The following CSMD3 variants were observed in gnomAD, a reference collection of about 807,000 sequenced individuals.
CSMD3 encodes the protein CUB and Sushi multiple domains 3, also known as CUB and sushi domain-containing protein 3.
CSMD3 carries 177 observed loss-of-function variants against 435.2 expected under a neutral mutation model. The observed-to-expected ratio is 0.41, with a 90% CI of 0.36 to 0.46. The LOEUF is 0.46. CSMD3 is among the 20% of genes least tolerant of loss of function. The pLI is 0.34. For missense variants in CSMD3, 4,265 were observed against 4,504.6 expected, an observed-to-expected ratio of 0.95 and a Z score of 1.52; for synonymous variants, 1,656 against 1,520.5, an observed-to-expected ratio of 1.09 and a Z score of -2.07.
At chr8:113,127,943 C>T (rs2131666743) in intron 4 of CSMD3, among the ~76,000 whole-genome samples, 1 of 152,156 alleles carries the variant, frequency 6.6e-6, no homozygotes, top group Admixed American at 6.6e-5. Context: ...AAGTCATTGC[C>T]TGTGACTTTT....
chr8:112,461,005 T>G (rs1422567041), intron 32 of CSMD3, among the ~76,000 whole-genome samples: 1 of 152,142 alleles, frequency 6.6e-6, no homozygotes, highest in Non-Finnish European at 1.5e-5. Flanking sequence ...GAAATATAAT[T>G]TATTGAGTTT....
chr8:113,127,087 A>T (rs2091154725), intron 4 of CSMD3, among the ~76,000 whole-genome samples: 1 of 152,026 alleles, frequency 6.6e-6, no homozygotes, highest in Admixed American at 6.6e-5. Context: ...ATATAAATTT[A>T]TATATTATAC....
At chr8:112,453,843 C>T (rs1816546810) in intron 32 of CSMD3, among the ~76,000 whole-genome samples, 1 of 152,130 alleles carries the variant, frequency 6.6e-6, no homozygotes, top group South Asian at 2.1e-4. Flanking sequence ...AGAGTCATCA[C>T]ATTACCCGAC....
chr8:112,241,841 T>TGCGC, intron 65 of CSMD3, 56 bp from the exon 66 acceptor site: 2 of 798,962 alleles, frequency 2.5e-6, no homozygotes, highest in Admixed American at 3.6e-5. Context: ...TACATACACA[T>TGCGC]GCGCACACAC....
rs139940343 is a variant in CSMD3 at position 112,902,436 on chromosome 8, T to TA, written c.1633+19190dup. ...CCAAGGGCATCTCAGCTTTACGTTT[T>TA]AAAAAATGGCAGCTTTTCCTTTGAG... On this transcript the variant is annotated intron_variant, in intron 10 of 70. Transcript: ENST00000297405. Among the ~76,000 whole-genome samples the TA allele has an allele frequency of 5.3e-3, 797 of 151,352 alleles. 11 individuals carry two copies. The highest frequency in any genetic ancestry group is 0.05 in the East Asian group (255 of 5,080).
rs1224683783 is a variant in CSMD3, at chr8:112,817,417, G to T, written c.1859+12269C>A. 2.0e-5 allele frequency among the ~76,000 whole-genome samples: 3 copies of T among 148,514 alleles called. No individual in the cohort carries two copies. In the East Asian group the frequency reaches 6.0e-4, roughly 30 times the overall value. On this transcript the variant is annotated intron_variant, in intron 12 of 70. Coordinates refer to ENST00000297405, the MANE Select transcript of CSMD3 (RefSeq NM_198123.2). The stretch of plus-strand genomic sequence containing the variant: ...CACTATCAGATGAATTTATACGTAA[G>T]TGTAAAAATAGCACATGGGAAAGAA...
chr8:112,886,426 A>C lies in CSMD3; in HGVS notation c.1634-27160T>G, dbSNP rs1218494073. Among the ~76,000 whole-genome samples, 3 of 151,438 alleles carry C rather than the reference A, an allele frequency of 2.0e-5. No homozygotes were observed. The East Asian group carries it at 5.9e-4, about 30-fold the overall frequency. On this transcript the variant is annotated intron_variant, in intron 10 of 70. Transcript: ENST00000297405. ...AGAAGGCTAGATCAGTTGTTTGCTCAAAATATGTTCCTGTTATCTTGTGTC... is the reference window on the plus strand; with the variant it reads ...AGAAGGCTAGATCAGTTGTTTGCTCCAAATATGTTCCTGTTATCTTGTGTC...
At chr8:112,657,376 A>G (rs1042839143) in intron 17 of CSMD3, among the ~76,000 whole-genome samples, 15 of 152,066 alleles carry the variant, frequency 9.9e-5, no homozygotes, top group Non-Finnish European at 1.2e-4. Flanking sequence ...TTCAAAACTT[A>G]AATAGTATTA....
chr8:112,489,428 A>C (rs1484025418), intron 31 of CSMD3, among the ~76,000 whole-genome samples: 3 of 152,194 alleles, frequency 2.0e-5, no homozygotes, highest in Admixed American at 6.5e-5. Context: ...CTGTCTGAAA[A>C]AATAAAAAAG....
intron 27 of CSMD3, among the ~76,000 whole-genome samples, chr8:112,531,518 G>T (rs1353016739): frequency 6.6e-6 from 1 of 152,080 alleles, no homozygotes. Flanking sequence ...AGAGACTCCT[G>T]TTTGAGGTAA....
rs78431485 is a variant in CSMD3, at chr8:113,265,659, T to C, written c.514+12933A>G. Reference sequence around the variant, plus strand: ...ATATCTAGCCGAATCTGAATATTCATTGTAAGTTTCTTTATTTTGAAGATT... The same window carrying C: ...ATATCTAGCCGAATCTGAATATTCACTGTAAGTTTCTTTATTTTGAAGATT... On this transcript the variant is annotated intron_variant, in intron 3 of 70. Coordinates refer to ENST00000297405, the MANE Select transcript of CSMD3 (RefSeq NM_198123.2). 3.0e-3 allele frequency among the ~76,000 whole-genome samples: 456 copies of C among 151,772 alleles called. 4 individuals are homozygous for C. In the East Asian group the frequency reaches 0.031, roughly 10 times the overall value.
intron 22 of CSMD3, among the ~76,000 whole-genome samples, chr8:112,590,836 ATCT>A (rs1485741786): frequency 6.6e-6 from 1 of 152,002 alleles, no homozygotes; most frequent in African/African-American, 2.4e-5. Context: ...TAAGCCCAGG[ATCT>A]TGTTTCTCTC....
chr8:112,817,700 G>A (rs1430242635), intron 12 of CSMD3, among the ~76,000 whole-genome samples: 1 of 152,000 alleles, frequency 6.6e-6, no homozygotes, highest in African/African-American at 2.4e-5. Flanking sequence ...AGAGAGAAAA[G>A]ATAAAATGGG....
intron 13 of CSMD3, among the ~76,000 whole-genome samples, chr8:112,789,973 A>G (rs573754152): frequency 6.6e-6 from 1 of 152,128 alleles, no homozygotes; most frequent in South Asian, 2.1e-4. Context: ...CTGCTTTAAT[A>G]CACATTTTTA....
chr8:112,969,571 G>A lies in CSMD3; in HGVS notation c.1342+6266C>T, dbSNP rs1195423514. Among the ~76,000 whole-genome samples the A allele has an allele frequency of 2.6e-5, 4 of 152,008 alleles. No homozygotes were observed. The East Asian group carries it at 7.7e-4, about 29-fold the overall frequency. On this transcript the variant is annotated intron_variant, in intron 7 of 70. Coordinates refer to ENST00000297405, the MANE Select transcript of CSMD3 (RefSeq NM_198123.2). ...CTATACTAGGTCAAAATAAACAGTA[G>A]TAATGTCTATAAAAACCTCATAACA...
intron 13 of CSMD3, among the ~76,000 whole-genome samples, chr8:112,776,195 C>G (rs1341357252): frequency 6.6e-6 from 1 of 151,782 alleles, no homozygotes; most frequent in African/African-American, 2.4e-5. Context: ...TGTATATGCA[C>G]AATAACCATA....
Position 112,890,827 on chromosome 8 carries a change from AAGG to A in CSMD3, c.1633+30797_1633+30799del, listed in dbSNP as rs1419870625. Among the ~76,000 whole-genome samples, 3 of 151,658 alleles carry A rather than the reference AAGG, an allele frequency of 2.0e-5. No homozygotes were observed. In the South Asian group the frequency reaches 6.2e-4, roughly 31 times the overall value. ...TTTTTTGTGGGAAAAATGTGGAATG[AAGG>A]AGGTGAGAAAGTTATAGTATAAATG... On this transcript the variant is annotated intron_variant, in intron 10 of 70. Coordinates refer to ENST00000297405, the MANE Select transcript of CSMD3 (RefSeq NM_198123.2).
chr8:112,947,721 A>C, intron 9 of CSMD3, 69 bp downstream of exon 9: 7 of 735,934 alleles, frequency 9.5e-6, no homozygotes, highest in Non-Finnish European at 1.7e-5. Context: ...ATTATTAGCT[A>C]CTTTAAAGAT....
At chr8:113,288,840 G>C (rs930741631) in intron 2 of CSMD3, among the ~76,000 whole-genome samples, 4 of 151,842 alleles carry the variant, frequency 2.6e-5, no homozygotes, top group Admixed American at 2.0e-4. Flanking sequence ...CTAGGGATAA[G>C]ATGAGGTAAA....
Sources: allele counts gnomAD v4.1 joint callset (sites outside exome capture counted in the v4.1 genomes callset), GRCh38; gene constraint gnomAD v4.1.1; transcripts MANE v1.5; gene names NCBI Gene and HGNC (gene_info 2026-07-23, HGNC 2026-07-21).